The following PKHD1 variants were observed in gnomAD, a reference collection of about 807,000 sequenced individuals.
PKHD1 encodes the protein fibrocystin.
A neutral mutation model predicts 412.0 loss-of-function variants in PKHD1; 291 were observed. The observed-to-expected ratio is 0.71, with a 90% CI of 0.64 to 0.78. The LOEUF (loss-of-function observed/expected upper bound fraction) is 0.78. Among genes scored for constraint, PKHD1 ranks in the 30% least tolerant of loss-of-function variants. The probability of loss-of-function intolerance (pLI) is 0.00; values close to 1 mark genes in which losing one functional copy is unlikely to be tolerated. For synonymous variants in PKHD1, 1,777 were observed against 1,821.5 expected (o/e 0.98, Z 0.62); for missense variants, 4,825 against 4,950.7 (o/e 0.97, Z 0.76).
chr6:51,853,456 T>G (rs1238513288), intron 49 of PKHD1, among the ~76,000 whole-genome samples: 2 of 152,236 alleles, frequency 1.3e-5, no homozygotes, highest in Non-Finnish European at 2.9e-5. Context: ...TTCCTGAATT[T>G]GCATGTTGGC....
rs541975941 is a variant in PKHD1, at chr6:51,987,994, A to G, written c.5751+22315T>C. On this transcript the variant is annotated intron_variant, in intron 35 of 66. Coordinates refer to ENST00000371117, the MANE Select transcript of PKHD1 (RefSeq NM_138694.4). ...GAGGGCTCTTAATGAGTTAATTAGT[A>G]TACATAAAGGCTAACTCAGTGCCTG... Among the ~76,000 whole-genome samples the G allele has an allele frequency of 3.9e-5, 6 of 152,312 alleles. No individual in the cohort carries two copies. The East Asian group carries it at 7.7e-4, about 20-fold the overall frequency.
chr6:51,633,972 G>A (rs910805000), intron 64 of PKHD1, among the ~76,000 whole-genome samples: 2 of 151,994 alleles, frequency 1.3e-5, no homozygotes, highest in African/African-American at 4.8e-5. Flanking sequence ...ATGCTTTCAT[G>A]GGAGTAGGCA....
chr6:51,658,993 C>T lies in PKHD1; in HGVS notation c.11133G>A (p.Gly3711=), dbSNP rs760027300. 2 of 1,612,974 alleles carry T rather than the reference C, an allele frequency of 1.2e-6. No individual in the cohort carries two copies. The highest frequency in any genetic ancestry group is 1.3e-5 in the African/African-American group (1 of 74,930). Residue 3711 remains glycine, a synonymous_variant, in exon 61 of 67, where the codon GGG becomes GGA. Coordinates refer to ENST00000371117, the MANE Select transcript of PKHD1 (RefSeq NM_138694.4). ...VLENVLNMTI[G]ALLVTQSKGV... is the part of the protein sequence containing the mutation. ...CCTTTGACTGAGTAACTAGTAAGGC[C>T]CCGATAGTCATATTCAGAACATTCT...
At chr6:51,960,100 T>A in intron 35 of PKHD1, 74 bp from the exon 36 acceptor site, 1 of 1,306,376 alleles carries the variant, frequency 7.7e-7, no homozygotes, top group East Asian at 2.4e-5. Flanking sequence ...GTTGGTTCGC[T>A]GGTTTGTTGG....
At chr6:51,647,101 T>C (rs917643403) in intron 63 of PKHD1, among the ~76,000 whole-genome samples, 8 of 152,228 alleles carry the variant, frequency 5.3e-5, no homozygotes, top group Non-Finnish European at 1.2e-4. Context: ...CTTAATTCTG[T>C]TTCTCAAACA....
At chr6:52,033,006 A>G in intron 29 of PKHD1, 24 bp downstream of exon 29, 1 of 1,596,314 alleles carries the variant, frequency 6.3e-7, no homozygotes, top group Non-Finnish European at 8.6e-7. Context: ...GAAGAAAAAG[A>G]TCTTGCAGTA....
chr6:52,032,341 T>C (rs894517639), intron 29 of PKHD1, among the ~76,000 whole-genome samples: 1 of 152,196 alleles, frequency 6.6e-6, no homozygotes, highest in Non-Finnish European at 1.5e-5. Flanking sequence ...TCCAAATCTA[T>C]ATGGAATTAC....
At chr6:51,769,744 A>G (rs1789736680) in intron 55 of PKHD1, among the ~76,000 whole-genome samples, 1 of 151,406 alleles carries the variant, frequency 6.6e-6, no homozygotes. Flanking sequence ...GTCAATATGA[A>G]AACTGTCAAT....
At position 51,895,853 on chromosome 6, in the gene PKHD1, G is replaced by A. The variant is rs181877538; in HGVS notation, c.6996+7744C>T. 1.3e-3 allele frequency among the ~76,000 whole-genome samples: 193 copies of A among 152,184 alleles called. 5 individuals carry two copies. The East Asian group carries it at 0.029, about 23-fold the overall frequency. ...AGCAGGGTGAGGCATTGCCTCACTC[G>A]GGAAGCTCAAGGGGTCAGGGAGTTC... On this transcript the variant is annotated intron_variant, in intron 43 of 66. Coordinates refer to ENST00000371117, the MANE Select transcript of PKHD1 (RefSeq NM_138694.4).
chr6:52,058,674 C>T, intron 15 of PKHD1, 73 bp from the exon 16 acceptor site: 3 of 1,418,588 alleles, frequency 2.1e-6, no homozygotes, highest in Non-Finnish European at 3.0e-6. Flanking sequence ...CACTAAGTGT[C>T]TGAACTGCTA....
At chr6:51,886,000 GC>G (rs753907803) in intron 44 of PKHD1, 28 bp from the exon 45 acceptor site, 3 of 1,305,146 alleles carry the variant, frequency 2.3e-6, no homozygotes, top group Non-Finnish European at 3.3e-6. Context: ...ATGAAATTAA[GC>G]CAATTTTTAT....
At chr6:51,790,276 G>T (rs1441067799) in intron 53 of PKHD1, among the ~76,000 whole-genome samples, 1 of 152,020 alleles carries the variant, frequency 6.6e-6, no homozygotes, top group Non-Finnish European at 1.5e-5. Context: ...TTGGAGACAG[G>T]GTACATGTCT....
chr6:51,960,588 C>A (rs571444179), intron 35 of PKHD1, among the ~76,000 whole-genome samples: 2 of 152,278 alleles, frequency 1.3e-5, no homozygotes, highest in South Asian at 4.1e-4. Flanking sequence ...CCTAAGTGCT[C>A]AGATCTATCC....
At chr6:51,985,586 A>T (rs757139911) in intron 35 of PKHD1, among the ~76,000 whole-genome samples, 3 of 152,100 alleles carry the variant, frequency 2.0e-5, no homozygotes, top group Non-Finnish European at 4.4e-5. Context: ...AAAATTAGCC[A>T]GGCATGGTGG....
intron 60 of PKHD1, among the ~76,000 whole-genome samples, chr6:51,674,746 A>G (rs1775567174): frequency 6.6e-6 from 1 of 152,178 alleles, no homozygotes; most frequent in African/African-American, 2.4e-5. Context: ...CAATTTATTG[A>G]CAGGCACACA....
chr6:51,901,076 T>C (rs1339054631), intron 43 of PKHD1, among the ~76,000 whole-genome samples: 3 of 152,116 alleles, frequency 2.0e-5, no homozygotes, highest in African/African-American at 2.4e-5. Context: ...GGTGGGACTG[T>C]AAACTAGTTC....
At chr6:51,760,584 C>A (rs567347086) in intron 55 of PKHD1, among the ~76,000 whole-genome samples, 1 of 151,980 alleles carries the variant, frequency 6.6e-6, no homozygotes, top group African/African-American at 2.4e-5. Context: ...GCATCTGATA[C>A]TCTTATTTCA....
At chr6:52,000,222 C>T (rs114231288) in intron 35 of PKHD1, among the ~76,000 whole-genome samples, 477 of 152,298 alleles carry the variant, frequency 3.1e-3, no homozygotes, top group Middle Eastern at 0.01. Context: ...ACTGAGTTAT[C>T]CAGTCACCCA....
intron 46 of PKHD1, among the ~76,000 whole-genome samples, chr6:51,882,180 G>T (rs1777476621): frequency 6.6e-6 from 1 of 151,940 alleles, no homozygotes; most frequent in Non-Finnish European, 1.5e-5. Flanking sequence ...TCTAAATCTG[G>T]GTACCATCCT....
Sources: gnomAD v4.1 joint callset for allele counts (sites outside exome capture counted in the v4.1 genomes callset) on GRCh38, gnomAD v4.1.1 for gene constraint, MANE v1.5 for transcripts, NCBI Gene and HGNC (gene_info 2026-07-23, HGNC 2026-07-21) for gene names.